NDUFV2: variants seen among roughly 807,000 people sequenced by gnomAD.
NDUFV2 encodes NADH:ubiquinone oxidoreductase core subunit V2.
In NDUFV2, 18 loss-of-function variants were observed where a neutral mutation model predicts 31.6. That is an observed-to-expected ratio of 0.57 (90% CI 0.39 to 0.84). The LOEUF is 0.84. Ranked by LOEUF, NDUFV2 falls within the 40% of genes least tolerant of loss-of-function variation. The pLI, the probability that NDUFV2 is intolerant of heterozygous loss-of-function variation, is 0.00. For missense variants in NDUFV2, 314 were observed against 303.6 expected, an observed-to-expected ratio of 1.03 and a Z score of -0.26; for synonymous variants, 83 against 99.8, an observed-to-expected ratio of 0.83 and a Z score of 1.01.
rs1480705664 is a variant in NDUFV2 at position 9,103,079 on chromosome 18, T to A, written c.54+282T>A. On this transcript the variant is annotated intron_variant, in intron 1 of 7. Coordinates refer to ENST00000318388, the MANE Select transcript of NDUFV2 (RefSeq NM_021074.5). ...TATATATATGTTTGTTTGTTTTTGC[T>A]GTTTTGCTGTAGCGCAGAATCTAGG... 9.5e-6 allele frequency: 4 copies of A among 421,658 alleles called. No individual in the cohort carries two copies. The Admixed American group carries it at 1.3e-4, about 14-fold the overall frequency. The allele number at this position is 421,658 out of a possible 1,614,324, so 26.1% of individuals were successfully genotyped here. A position where few individuals can be genotyped will look rare whatever the true frequency, so the allele number is the denominator to read the frequency against.
chr18:9,117,941 T>G (rs749236484), intron 2 of NDUFV2, 38 bp downstream of exon 2: 2 of 1,375,536 alleles, frequency 1.5e-6, no homozygotes, highest in Non-Finnish European at 2.1e-6. Context: ...AAGAAAAGAC[T>G]TGGAAATTGG....
At chr18:9,102,894 A>C in intron 1 of NDUFV2, 97 bp downstream of exon 1, 2 of 1,303,350 alleles carry the variant, frequency 1.5e-6, no homozygotes, top group Non-Finnish European at 2.1e-6. Flanking sequence ...TGGGCTCTGC[A>C]CGGGCCTGCA....
At chr18:9,109,293 C>T (rs1327018009) in intron 1 of NDUFV2, among the ~76,000 whole-genome samples, 2 of 152,080 alleles carry the variant, frequency 1.3e-5, no homozygotes, top group African/African-American at 4.8e-5. Context: ...TAGTTGGCCT[C>T]TAATAAAGGA....
At chr18:9,127,021 G>A (rs1042455816) in intron 7 of NDUFV2, 114 bp downstream of exon 7, 12 of 856,130 alleles carry the variant, frequency 1.4e-5, no homozygotes, top group Non-Finnish European at 2.4e-5. Context: ...TAGGAGCTTT[G>A]GATAGTATTA....
intron 6 of NDUFV2, 71 bp downstream of exon 6, chr18:9,125,054 T>A (rs2077977315): frequency 6.7e-7 from 1 of 1,493,378 alleles, no homozygotes; most frequent in Non-Finnish European, 9.2e-7. Context: ...TATTTGATTT[T>A]GTGTCCTTAG....
intron 7 of NDUFV2, among the ~76,000 whole-genome samples, chr18:9,129,006 C>T (rs959951324): frequency 6.6e-6 from 1 of 152,022 alleles, no homozygotes; most frequent in Non-Finnish European, 1.5e-5. Flanking sequence ...GGTGTGATCT[C>T]GACTCACTGC....
chr18:9,119,097 T>C (rs964299894), intron 2 of NDUFV2, among the ~76,000 whole-genome samples: 6 of 152,164 alleles, frequency 3.9e-5, no homozygotes, highest in African/African-American at 1.4e-4. Context: ...ACTTCTCTTA[T>C]TCTTTAAATG....
intron 2 of NDUFV2, among the ~76,000 whole-genome samples, chr18:9,118,820 T>TTTG (rs1555697084): frequency 1.4e-5 from 2 of 146,928 alleles, no homozygotes; most frequent in South Asian, 2.2e-4. Context: ...GTGCTGTTTT[T>TTTG]TTTTTTTTTT....
intron 7 of NDUFV2, among the ~76,000 whole-genome samples, chr18:9,132,828 T>C (rs537108833): frequency 1.2e-4 from 18 of 152,340 alleles, no homozygotes; most frequent in African/African-American, 3.6e-4. Flanking sequence ...TGAGCCATTA[T>C]TGCATCACTG....
At chr18:9,120,221 C>T (rs1436881936) in intron 4 of NDUFV2, among the ~76,000 whole-genome samples, 1 of 152,090 alleles carries the variant, frequency 6.6e-6, no homozygotes, top group Admixed American at 6.5e-5. Flanking sequence ...TGTATTACAG[C>T]ATATCATTTA....
chr18:9,107,816 G>T (rs1288989755), intron 1 of NDUFV2, among the ~76,000 whole-genome samples: 1 of 152,124 alleles, frequency 6.6e-6, no homozygotes, highest in Admixed American at 6.6e-5. Flanking sequence ...AGAGATGGAG[G>T]TTTAGGGGCT....
intron 6 of NDUFV2, among the ~76,000 whole-genome samples, chr18:9,125,668 G>A (rs995708569): frequency 2.0e-5 from 3 of 151,718 alleles, no homozygotes; most frequent in African/African-American, 4.8e-5. Context: ...TTATATCACC[G>A]TTTTCATTCA....
At chr18:9,120,327 A>T (rs1887096532) in intron 4 of NDUFV2, among the ~76,000 whole-genome samples, 1 of 152,192 alleles carries the variant, frequency 6.6e-6, no homozygotes, top group Non-Finnish European at 1.5e-5. Context: ...TTTGACTTAG[A>T]ACTAAGACAC....
At chr18:9,106,933 C>T (rs2077844818) in intron 1 of NDUFV2, among the ~76,000 whole-genome samples, 1 of 152,116 alleles carries the variant, frequency 6.6e-6, no homozygotes, top group Admixed American at 6.6e-5. Flanking sequence ...ATCACATATC[C>T]TTCCTTGCCT....
intron 1 of NDUFV2, among the ~76,000 whole-genome samples, chr18:9,108,929 G>GATCC (rs1361930724): frequency 6.6e-6 from 1 of 152,224 alleles, no homozygotes; most frequent in East Asian, 1.9e-4. Context: ...GACCTCCAGT[G>GATCC]ATCCACCTGC....
chr18:9,119,105 A>G (rs1428826709), intron 2 of NDUFV2, among the ~76,000 whole-genome samples: 1 of 152,106 alleles, frequency 6.6e-6, no homozygotes, highest in South Asian at 2.1e-4. Flanking sequence ...TATTCTTTAA[A>G]TGGTCCTTTG....
At chr18:9,122,367 C>T in intron 4 of NDUFV2, 146 bp from the exon 5 acceptor site, 1 of 706,834 alleles carries the variant, frequency 1.4e-6, no homozygotes, top group Non-Finnish European at 2.4e-6. Context: ...TCCCAGTTAT[C>T]CAAGACAAGT....
intron 1 of NDUFV2, chr18:9,104,004 A>G: frequency 1.5e-6 from 1 of 686,618 alleles, no homozygotes; most frequent in Non-Finnish European, 2.3e-6. Context: ...TGATAGTCTC[A>G]TGTAAGAGGA....
chr18:9,132,765 C>T lies in NDUFV2; in HGVS notation c.657-1421C>T, dbSNP rs189828898. Among the ~76,000 whole-genome samples, 7 of 152,200 alleles carry T rather than the reference C, an allele frequency of 4.6e-5. No homozygotes were observed. The East Asian group carries it at 9.7e-4, about 21-fold the overall frequency. ...TGACGCACACCTGTAGTCCCAGCTA[C>T]GTGGGAGGCTGAGGTGACAGAAGCA... On this transcript the variant is annotated intron_variant, in intron 7 of 7. Coordinates refer to ENST00000318388, the MANE Select transcript of NDUFV2 (RefSeq NM_021074.5).
Sources: allele counts gnomAD v4.1 joint callset (sites outside exome capture counted in the v4.1 genomes callset), GRCh38; gene constraint gnomAD v4.1.1; transcripts MANE v1.5; gene names NCBI Gene and HGNC (gene_info 2026-07-23, HGNC 2026-07-21).